Variants in CACNG3 observed in about 807,000 individuals in gnomAD.
CACNG3 encodes the protein calcium voltage-gated channel auxiliary subunit gamma 3, also known as voltage-dependent calcium channel gamma-3 subunit.
CACNG3 carries 3 observed loss-of-function variants against 28.5 expected under a neutral mutation model. That is an observed-to-expected ratio of 0.11 (90% confidence interval 0.05 to 0.27). The LOEUF is 0.27. Ranked by LOEUF, CACNG3 falls within the 10% of genes least tolerant of loss-of-function variation. The probability of loss-of-function intolerance (pLI) is 1.00; values close to 1 mark genes in which losing one functional copy is unlikely to be tolerated. For synonymous variants in CACNG3, 174 were observed against 162.2 expected (o/e 1.07, Z -0.55); for missense variants, 236 against 414.4 (o/e 0.57, Z 3.74).
chr16:24,332,159 T>C (rs1300603651), intron 1 of CACNG3, among the ~76,000 whole-genome samples: 5 of 152,250 alleles, frequency 3.3e-5, no homozygotes, highest in African/African-American at 9.6e-5. Flanking sequence ...CAGATATCTA[T>C]TGAACAAAAG....
intron 1 of CACNG3, among the ~76,000 whole-genome samples, chr16:24,297,109 G>C (rs547982776): frequency 3.3e-5 from 5 of 152,180 alleles, no homozygotes; most frequent in Non-Finnish European, 5.9e-5. Flanking sequence ...ACAAAAATTA[G>C]CTGGGCAAGG....
intron 1 of CACNG3, among the ~76,000 whole-genome samples, chr16:24,329,597 G>GT (rs1001778622): frequency 5.3e-5 from 8 of 151,948 alleles, no homozygotes; most frequent in African/African-American, 1.9e-4. Context: ...GTCACTCTTT[G>GT]TTTTTTTTCT....
At chr16:24,317,606 G>GAAAGGA (rs1555460536) in intron 1 of CACNG3, among the ~76,000 whole-genome samples, 18 of 66,044 alleles carry the variant, frequency 2.7e-4, no homozygotes, top group Middle Eastern at 6.7e-3. Context: ...AAGAAAGAAA[G>GAAAGGA]AAAGAAAGAA....
chr16:24,292,775 T>G (rs1277037934), intron 1 of CACNG3, among the ~76,000 whole-genome samples: 1 of 152,204 alleles, frequency 6.6e-6, no homozygotes, highest in East Asian at 1.9e-4. Flanking sequence ...TTCCTTTGAG[T>G]CAGTCCTAAG....
chr16:24,334,858 C>T (rs576492522), intron 1 of CACNG3, among the ~76,000 whole-genome samples: 96 of 152,286 alleles, frequency 6.3e-4, no homozygotes, highest in Non-Finnish European at 1.3e-3. Flanking sequence ...AGAATACACA[C>T]GCATGCATGC....
At chr16:24,341,707 G>A (rs1384168360) in intron 1 of CACNG3, among the ~76,000 whole-genome samples, 4 of 152,174 alleles carry the variant, frequency 2.6e-5, no homozygotes, top group East Asian at 1.9e-4. Flanking sequence ...TCATGCCTAC[G>A]TGGGACACCA....
chr16:24,311,960 C>G (rs1433382650), intron 1 of CACNG3, among the ~76,000 whole-genome samples: 1 of 152,240 alleles, frequency 6.6e-6, no homozygotes, highest in Admixed American at 6.5e-5. Flanking sequence ...TATTTCTGGT[C>G]ATGATCAATC....
chr16:24,310,011 C>G (rs1899238759), intron 1 of CACNG3, among the ~76,000 whole-genome samples: 1 of 152,058 alleles, frequency 6.6e-6, no homozygotes, highest in Non-Finnish European at 1.5e-5. Context: ...TTTGTGTGTG[C>G]GTGTGTGAAA....
Position 24,361,532 on chromosome 16 carries a change from A to G in CACNG3, c.617A>G (p.Gln206Arg). Reference protein sequence around the residue: ...AVHIYIEKHQQLRAKSHSEFL... With the variant: ...AVHIYIEKHQRLRAKSHSEFL... The stretch of plus-strand genomic sequence containing the variant: ...CACATCTATATTGAAAAACATCAGC[A>G]GTTACGAGCCAAATCCCACTCGGAG... The change falls in exon 4 of 4, where the codon CAG becomes CGG. Residue 206 changes from glutamine to arginine, a missense_variant. Physicochemically the swap from Gln to Arg is conservative, Grantham distance 43. Around this residue, in one of 2 missense-constraint regions of CACNG3, gnomAD observed 116 missense variants for 151.0 expected, o/e 0.77. Transcript: ENST00000005284. This position sits in a 1 kb window ranked among gnomAD's most constrained non-coding sequence, Gnocchi z 6.8. 1 of 1,614,022 alleles carries G rather than the reference A, an allele frequency of 6.2e-7. No individual in the cohort carries two copies. Among genetic ancestry groups the G allele is most frequent in the Non-Finnish European group, 8.5e-7 (1 of 1,179,982 alleles).
At chr16:24,295,424 C>T (rs181484175) in intron 1 of CACNG3, among the ~76,000 whole-genome samples, 101 of 152,270 alleles carry the variant, frequency 6.6e-4, no homozygotes, top group Non-Finnish European at 1.2e-3. Flanking sequence ...TTTCTGCCTA[C>T]GTTGTTGTTA....
At chr16:24,300,620 CAAA>C (rs111715020) in intron 1 of CACNG3, among the ~76,000 whole-genome samples, 3 of 109,454 alleles carry the variant, frequency 2.7e-5, no homozygotes, top group African/African-American at 9.4e-5. Flanking sequence ...CAAAACAAGA[CAAA>C]AAAAAAAAAA....
At chr16:24,261,252 G>A (rs1449097074) in intron 1 of CACNG3, among the ~76,000 whole-genome samples, 9 of 152,304 alleles carry the variant, frequency 5.9e-5, no homozygotes, top group Non-Finnish European at 1.5e-5. Context: ...CGGTAGATTT[G>A]AGAAGATGTA....
intron 2 of CACNG3, among the ~76,000 whole-genome samples, chr16:24,353,522 G>T (rs1227541704): frequency 1.3e-5 from 2 of 152,158 alleles, no homozygotes; most frequent in Non-Finnish European, 2.9e-5. Context: ...GGCCTTCCAT[G>T]ATCCAGAAAA....
At chr16:24,337,530 A>C (rs1033235995) in intron 1 of CACNG3, among the ~76,000 whole-genome samples, 1 of 151,972 alleles carries the variant, frequency 6.6e-6, no homozygotes, top group African/African-American at 2.4e-5. Context: ...AGTTAAACAT[A>C]CAGGCCAGGT....
In CACNG3 at chr16:24,360,828, A is replaced by G. The variant is rs1400929323; in HGVS notation, c.437-524A>G. Among the ~76,000 whole-genome samples, 5 of 152,270 alleles carry G rather than the reference A, an allele frequency of 3.3e-5. No homozygotes were observed. The East Asian group carries it at 7.7e-4, about 24-fold the overall frequency. On this transcript the variant is annotated intron_variant, in intron 3 of 3. Transcript: ENST00000005284. Reference sequence around the variant, plus strand: ...CCTGGCTCACCCCTATTTGATTTGCAGGATCCGGCTCAAATGTCACCTCAT... The same window carrying G: ...CCTGGCTCACCCCTATTTGATTTGCGGGATCCGGCTCAAATGTCACCTCAT...
chr16:24,261,865 A>G (rs1019639603), intron 1 of CACNG3, among the ~76,000 whole-genome samples: 21 of 152,182 alleles, frequency 1.4e-4, no homozygotes, highest in African/African-American at 4.3e-4. Flanking sequence ...TGACTTTTTC[A>G]GCCAGACGGG....
intron 1 of CACNG3, among the ~76,000 whole-genome samples, chr16:24,271,625 A>C (rs1389890397): frequency 2.0e-5 from 3 of 152,126 alleles, no homozygotes; most frequent in Non-Finnish European, 2.9e-5. Context: ...CCTGCACCAA[A>C]TGTACTTATT....
At chr16:24,319,388 G>A (rs1899426864) in intron 1 of CACNG3, among the ~76,000 whole-genome samples, 1 of 152,218 alleles carries the variant, frequency 6.6e-6, no homozygotes, top group African/African-American at 2.4e-5. Context: ...TGGACAGGCA[G>A]TTGCTGGGAA....
At chr16:24,295,306 A>C (rs544438388) in intron 1 of CACNG3, among the ~76,000 whole-genome samples, 1 of 152,228 alleles carries the variant, frequency 6.6e-6, no homozygotes, top group South Asian at 2.1e-4. Context: ...TCATTCTACC[A>C]AGGATGTCCC....
Sources: allele counts gnomAD v4.1 joint callset (sites outside exome capture counted in the v4.1 genomes callset), GRCh38; gene constraint gnomAD v4.1.1; regional missense constraint gnomAD v4.1.1; non-coding constraint Gnocchi (gnomAD v3.1); transcripts MANE v1.5; gene names NCBI Gene and HGNC (gene_info 2026-07-23, HGNC 2026-07-21).